TPRG1: variants seen among roughly 807,000 people sequenced by gnomAD.
The protein encoded by TPRG1 is tumor protein p63 regulated 1.
Under a neutral mutation model 29.3 loss-of-function variants are expected in TPRG1, and 29 were observed. The observed-to-expected ratio is 0.99, with a 90% CI of 0.74 to 1.35. TPRG1 has a LOEUF of 1.35. TPRG1 is among the 40% of genes most tolerant of loss of function. The pLI is 0.00. For synonymous variants in TPRG1, 130 were observed against 116.8 expected (o/e 1.11, Z -0.73); for missense variants, 327 against 335.0 (o/e 0.98, Z 0.19).
chr3:189,053,712 T>C (rs1335678060), intron 4 of TPRG1, among the ~76,000 whole-genome samples: 1 of 152,176 alleles, frequency 6.6e-6, no homozygotes, highest in Non-Finnish European at 1.5e-5. Flanking sequence ...CCAATACTCA[T>C]TGTCTCAGTG....
intron 1 of TPRG1, among the ~76,000 whole-genome samples, chr3:189,187,744 C>T (rs536509142): frequency 6.6e-6 from 1 of 152,314 alleles, no homozygotes; most frequent in East Asian, 1.9e-4. Flanking sequence ...CAGATTCAAG[C>T]TCAAGTCCTT....
intron 3 of TPRG1, among the ~76,000 whole-genome samples, chr3:189,138,132 A>G (rs1724016673): frequency 1.3e-5 from 2 of 152,140 alleles, no homozygotes; most frequent in African/African-American, 4.8e-5. Flanking sequence ...GGAAGTGACA[A>G]TACTTCTGGG....
At chr3:189,215,239 C>A in intron 2 of TPRG1, 53 bp from the exon 3 acceptor site, 1 of 1,457,872 alleles carries the variant, frequency 6.9e-7, no homozygotes, top group Non-Finnish European at 9.4e-7. Context: ...TAATCATAAG[C>A]GCGAAGTGGG....
intron 4 of TPRG1, among the ~76,000 whole-genome samples, chr3:189,050,914 G>A (rs1715275582): frequency 6.6e-6 from 1 of 152,008 alleles, no homozygotes; most frequent in Admixed American, 6.6e-5. Flanking sequence ...CAGCAAAATC[G>A]GCATGCAAGG....
chr3:189,075,019 G>A (rs1327484630), intron 4 of TPRG1, among the ~76,000 whole-genome samples: 1 of 152,084 alleles, frequency 6.6e-6, no homozygotes, highest in Non-Finnish European at 1.5e-5. Flanking sequence ...CATCGTGTTA[G>A]GCAGGATGGT....
At chr3:188,998,605 G>A (rs760453167) in intron 1 of TPRG1, among the ~76,000 whole-genome samples, 48 of 152,112 alleles carry the variant, frequency 3.2e-4, no homozygotes, top group Admixed American at 5.2e-4. Context: ...TGGATAAAAA[G>A]TGTGGTACAC....
intron 4 of TPRG1, among the ~76,000 whole-genome samples, chr3:189,266,713 A>G (rs1348226009): frequency 6.6e-6 from 1 of 151,482 alleles, no homozygotes; most frequent in African/African-American, 2.4e-5. Context: ...ATGGCTCCCT[A>G]AAACACCTAT....
rs147111027 is a variant in TPRG1, at chr3:189,038,564, A to G, written c.-463+14618A>G. Among the ~76,000 whole-genome samples the G allele has an allele frequency of 4.6e-4, 70 of 152,176 alleles. No individual in the cohort carries two copies. The East Asian group carries it at 0.013, about 27-fold the overall frequency. On this transcript the variant is annotated intron_variant, in intron 4 of 10. Coordinates refer to the TPRG1 transcript ENST00000433971. ...TACCTTGGCAACTTCGGGGTGGGGA[A>G]TGATTTCTGGAACAATACTCCCAAA...
chr3:189,221,807 C>CAGGGAGGG (rs1369910533), intron 3 of TPRG1, among the ~76,000 whole-genome samples: 1 of 152,174 alleles, frequency 6.6e-6, no homozygotes, highest in Non-Finnish European at 1.5e-5. Flanking sequence ...TGGGAGAAGG[C>CAGGGAGGG]AGGGAGGGAC....
intron 3 of TPRG1, among the ~76,000 whole-genome samples, chr3:189,221,352 C>G (rs1048200103): frequency 1.3e-5 from 2 of 152,166 alleles, no homozygotes; most frequent in Non-Finnish European, 2.9e-5. Context: ...AGGCTCCAAC[C>G]TGGTATGTTG....
intron 4 of TPRG1, among the ~76,000 whole-genome samples, chr3:189,292,869 G>A (rs537067594): frequency 6.6e-6 from 1 of 152,298 alleles, no homozygotes; most frequent in East Asian, 1.9e-4. Flanking sequence ...AGGCTAGGAA[G>A]CATTGTTTAG....
chr3:189,127,858 G>A (rs1030412181), intron 2 of TPRG1, among the ~76,000 whole-genome samples: 1 of 152,196 alleles, frequency 6.6e-6, no homozygotes, highest in African/African-American at 2.4e-5. Flanking sequence ...CACTAGGAAA[G>A]TGAAGTTAAG....
chr3:189,040,512 T>G (rs710512), intron 4 of TPRG1, among the ~76,000 whole-genome samples: 131,457 of 151,746 alleles, frequency 0.87, 58,299 homozygotes, highest in Non-Finnish European at 0.95. Flanking sequence ...AAATACCACC[T>G]CAGGCCATTG....
chr3:189,170,194 C>T (rs1339378557), upstream of TPRG1, among the ~76,000 whole-genome samples: 1 of 152,198 alleles, frequency 6.6e-6, no homozygotes, highest in Non-Finnish European at 1.5e-5. Context: ...ACATTTGGAG[C>T]TGAGTGGGAA....
At chr3:189,117,298 A>G (rs930801950) in intron 1 of TPRG1, among the ~76,000 whole-genome samples, 9 of 152,212 alleles carry the variant, frequency 5.9e-5, no homozygotes, top group Admixed American at 2.0e-4. Flanking sequence ...CATGTGGGAC[A>G]TAACTGGAAG....
chr3:189,135,458 T>C (rs1723628385), intron 3 of TPRG1, among the ~76,000 whole-genome samples: 1 of 152,248 alleles, frequency 6.6e-6, no homozygotes, highest in Admixed American at 6.5e-5. Flanking sequence ...TCTATTTAGT[T>C]TAACAAGCTA....
intron 3 of TPRG1, among the ~76,000 whole-genome samples, chr3:189,008,594 CT>C (rs36027517): frequency 7.2e-5 from 11 of 152,058 alleles, no homozygotes; most frequent in African/African-American, 2.4e-4. Flanking sequence ...GCTATTCATG[CT>C]TTTTTTTCCT....
chr3:189,145,128 A>G (rs1725075401), intron 3 of TPRG1, among the ~76,000 whole-genome samples: 1 of 151,954 alleles, frequency 6.6e-6, no homozygotes, highest in African/African-American at 2.4e-5. Context: ...CTTTGGGAGG[A>G]TGAGGTGGGC....
rs556889680 is a variant in TPRG1 at position 189,290,994 on chromosome 3, C to T, written c.480-19392C>T. Among the ~76,000 whole-genome samples, 340 of 152,240 alleles carry T rather than the reference C, an allele frequency of 2.2e-3. 1 individual carries two copies. The highest frequency in any genetic ancestry group is 7.8e-3 in the African/African-American group (324 of 41,548). ...CTCCACTCACTGCAAGCTCCGCCTC[C>T]GGGTTCACGCCATTCTCCTGCCTCA... is the stretch of plus-strand genomic sequence containing the variant. On this transcript the variant is annotated intron_variant, in intron 4 of 5. Coordinates refer to ENST00000345063, the MANE Select transcript of TPRG1 (RefSeq NM_198485.4).
Sources: allele counts gnomAD v4.1 joint callset (sites outside exome capture counted in the v4.1 genomes callset), GRCh38; gene constraint gnomAD v4.1.1; transcripts MANE v1.5; gene names NCBI Gene and HGNC (gene_info 2026-07-23, HGNC 2026-07-21).